The following PIP5K1B variants were observed in gnomAD, a reference collection of about 807,000 sequenced individuals.
The protein encoded by PIP5K1B is phosphatidylinositol-4-phosphate 5-kinase type 1 beta.
PIP5K1B carries 42 observed loss-of-function variants against 67.0 expected under a neutral mutation model. That is an observed-to-expected ratio of 0.63 (90% CI 0.49 to 0.81). The LOEUF (loss-of-function observed/expected upper bound fraction) is 0.81. Among genes scored for constraint, PIP5K1B ranks in the 30% least tolerant of loss-of-function variants. The probability of loss-of-function intolerance (pLI) is 0.00; values close to 1 mark genes in which losing one functional copy is unlikely to be tolerated. For synonymous variants in PIP5K1B, 214 were observed against 231.4 expected, an observed-to-expected ratio of 0.92 and a Z score of 0.68; for missense variants, 459 against 646.3, an observed-to-expected ratio of 0.71 and a Z score of 3.14.
At chr9:68,817,365 T>A (rs1381344298) in intron 2 of PIP5K1B, among the ~76,000 whole-genome samples, 1 of 152,212 alleles carries the variant, frequency 6.6e-6, no homozygotes, top group Non-Finnish European at 1.5e-5. Context: ...GGCCCCACAG[T>A]TATTCCACTT....
chr9:68,945,915 G>C (rs1564258006), intron 14 of PIP5K1B, among the ~76,000 whole-genome samples: 1 of 152,166 alleles, frequency 6.6e-6, no homozygotes, highest in Non-Finnish European at 1.5e-5. Flanking sequence ...GGGATTTTGA[G>C]TGAGGATTTT....
At chr9:68,829,273 A>G (rs4376559) in intron 4 of PIP5K1B, among the ~76,000 whole-genome samples, 133,438 of 152,156 alleles carry the variant, frequency 0.88, 58,590 homozygotes, top group East Asian at 1. Flanking sequence ...CTGGAAAGCC[A>G]CCACTTCCAT....
intron 15 of PIP5K1B, among the ~76,000 whole-genome samples, chr9:68,993,028 G>A (rs1189598847): frequency 1.3e-5 from 2 of 151,780 alleles, no homozygotes; most frequent in East Asian, 3.9e-4. Flanking sequence ...CGGGCGTGGT[G>A]GCAGGCGCCT....
intron 8 of PIP5K1B, among the ~76,000 whole-genome samples, chr9:68,905,440 T>C (rs1175657034): frequency 1.4e-5 from 2 of 141,900 alleles, no homozygotes; most frequent in African/African-American, 2.9e-5. Context: ...CCAAAAGAGA[T>C]GTTAGGGGCA....
chr9:68,845,064 C>T (rs1822117617), intron 4 of PIP5K1B, among the ~76,000 whole-genome samples: 2 of 152,118 alleles, frequency 1.3e-5, no homozygotes, highest in African/African-American at 2.4e-5. Flanking sequence ...AGTCGTATAT[C>T]GTGTAGAATT....
intron 11 of PIP5K1B, among the ~76,000 whole-genome samples, chr9:68,920,034 G>A (rs967079311): frequency 5.3e-5 from 8 of 152,136 alleles, no homozygotes; most frequent in African/African-American, 1.7e-4. Context: ...TGATCAGTAG[G>A]GCATTTGAAA....
intron 9 of PIP5K1B, among the ~76,000 whole-genome samples, chr9:68,918,385 C>T (rs745518724): frequency 2.0e-5 from 3 of 152,100 alleles, no homozygotes; most frequent in East Asian, 3.9e-4. Context: ...CCACTGCACC[C>T]AGCCTGAGTA....
At position 68,810,949 on chromosome 9, in the gene PIP5K1B, G is replaced by A. The variant is rs1833132271; in HGVS notation, c.-85-7512G>A. Among the ~76,000 whole-genome samples, 3 of 152,166 alleles carry A rather than the reference G, an allele frequency of 2.0e-5. No individual in the cohort carries two copies. The South Asian group carries it at 6.2e-4, about 32-fold the overall frequency. ...AGGAGAAAACAAGTAAAAGAGAGAG[G>A]TGTATGGTGGAAAGAGCATTAGTTT... On this transcript the variant is annotated intron_variant, in intron 2 of 15. Transcript: ENST00000265382.
chr9:68,778,823 CCT>C (rs1491038724), intron 2 of PIP5K1B, among the ~76,000 whole-genome samples: 1 of 152,236 alleles, frequency 6.6e-6, no homozygotes, highest in Non-Finnish European at 1.5e-5. Flanking sequence ...GCGGCACTGC[CCT>C]TTTTTCTTTT....
intron 8 of PIP5K1B, among the ~76,000 whole-genome samples, chr9:68,897,867 C>T (rs1003279465): frequency 1.3e-5 from 2 of 152,102 alleles, no homozygotes; most frequent in African/African-American, 4.8e-5. Context: ...TTTCCTTTAG[C>T]ATGAGTGCTG....
chr9:68,986,541 A>G (rs774837199), intron 14 of PIP5K1B, among the ~76,000 whole-genome samples: 20 of 152,180 alleles, frequency 1.3e-4, no homozygotes, highest in Non-Finnish European at 2.1e-4. Context: ...AAAATATTCT[A>G]CTTACTAAGA....
intron 12 of PIP5K1B, among the ~76,000 whole-genome samples, chr9:68,924,347 A>G (rs1460147310): frequency 2.9e-5 from 4 of 140,262 alleles, no homozygotes; most frequent in African/African-American, 1.0e-4. Flanking sequence ...GGTTGCAGTG[A>G]GCCGAGATCA....
At chr9:68,901,536 G>C (rs1010451945) in intron 8 of PIP5K1B, among the ~76,000 whole-genome samples, 1 of 152,178 alleles carries the variant, frequency 6.6e-6, no homozygotes, top group Non-Finnish European at 1.5e-5. Flanking sequence ...TGGGATTACA[G>C]GTGTGAAGCA....
intron 14 of PIP5K1B, among the ~76,000 whole-genome samples, chr9:68,974,680 C>T (rs576825187): frequency 3.9e-5 from 6 of 152,358 alleles, no homozygotes; most frequent in African/African-American, 1.2e-4. Flanking sequence ...AATGAGAGAA[C>T]TTTCCTGTCA....
At position 68,912,227 on chromosome 9, in the gene PIP5K1B, T is replaced by C. The variant is rs140922001; in HGVS notation, c.772-5321T>C. ...ATTCGGGCTTGTTTAATGTTGAGTA[T>C]GGAATAATTATCTGTTGTTTTATCC... On this transcript the variant is annotated intron_variant, in intron 8 of 15. Transcript: ENST00000265382. Among the ~76,000 whole-genome samples the C allele has an allele frequency of 5.4e-3, 816 of 152,340 alleles. 5 individuals carry two copies. Among genetic ancestry groups the C allele is most frequent in the African/African-American group, 0.018 (751 of 41,576 alleles).
At chr9:68,775,938 G>A (rs770252671) in intron 2 of PIP5K1B, among the ~76,000 whole-genome samples, 1 of 152,138 alleles carries the variant, frequency 6.6e-6, no homozygotes, top group Non-Finnish European at 1.5e-5. Flanking sequence ...AATAATGCAA[G>A]AAACATTCTT....
chr9:68,958,196 A>G lies in PIP5K1B; in HGVS notation c.1502+17406A>G, dbSNP rs116572038. On this transcript the variant is annotated intron_variant, in intron 14 of 15. Coordinates refer to ENST00000265382, the MANE Select transcript of PIP5K1B (RefSeq NM_003558.4). The stretch of plus-strand genomic sequence containing the variant: ...CCAAGGAGCTGTTTTCTCAAATGCT[A>G]AGTTGCCATATAATGGGTAGAATAT... 3.4e-3 allele frequency among the ~76,000 whole-genome samples: 515 copies of G among 152,178 alleles called. 4 individuals carry two copies. Among genetic ancestry groups the G allele is most frequent in the African/African-American group, 0.012 (502 of 41,526 alleles).
chr9:68,750,670 A>T (rs1037294569), intron 2 of PIP5K1B, among the ~76,000 whole-genome samples: 13 of 152,212 alleles, frequency 8.5e-5, no homozygotes, highest in African/African-American at 3.1e-4. Flanking sequence ...CCTGTTCTCA[A>T]TGAGTTTGCA....
chr9:68,906,977 A>G (rs555536175), intron 8 of PIP5K1B, among the ~76,000 whole-genome samples: 1 of 152,360 alleles, frequency 6.6e-6, no homozygotes, highest in East Asian at 1.9e-4. Context: ...CAAAGACCAG[A>G]AAAAGCAGTG....
Sources: gnomAD v4.1 joint callset for allele counts (sites outside exome capture counted in the v4.1 genomes callset) on GRCh38, gnomAD v4.1.1 for gene constraint, MANE v1.5 for transcripts, NCBI Gene and HGNC (gene_info 2026-07-23, HGNC 2026-07-21) for gene names.